Variants in KIAA0825 observed in about 807,000 individuals in gnomAD.
KIAA0825 encodes the protein uncharacterized protein KIAA0825.
Under a neutral mutation model 147.6 loss-of-function variants are expected in KIAA0825, and 119 were observed. That is an observed-to-expected ratio of 0.81 (90% CI 0.69 to 0.94). KIAA0825 has a LOEUF of 0.94. Among genes scored for constraint, KIAA0825 ranks in the 40% least tolerant of loss-of-function variants. The pLI, the probability that KIAA0825 is intolerant of heterozygous loss-of-function variation, is 0.00. For synonymous variants in KIAA0825, 470 were observed against 518.1 expected (o/e 0.91, Z 1.26); for missense variants, 1,381 against 1,472.7 (o/e 0.94, Z 1.02).
chr5:94,597,559 A>C (rs1452839988), intron 1 of KIAA0825, among the ~76,000 whole-genome samples: 1 of 152,194 alleles, frequency 6.6e-6, no homozygotes, highest in African/African-American at 2.4e-5. Flanking sequence ...AAAGGAAAGA[A>C]ACCTTTCCAA....
chr5:94,274,918 CAG>C (rs922230604), intron 20 of KIAA0825, among the ~76,000 whole-genome samples: 2 of 152,024 alleles, frequency 1.3e-5, no homozygotes, highest in Non-Finnish European at 2.9e-5. Context: ...GAACCAATAA[CAG>C]AGGGGTGGAA....
chr5:94,362,461 CAT>C (rs1263453609), intron 20 of KIAA0825, among the ~76,000 whole-genome samples: 2 of 152,164 alleles, frequency 1.3e-5, no homozygotes, highest in Non-Finnish European at 2.9e-5. Context: ...TACTTTATCT[CAT>C]GTGGTGTTAC....
At chr5:94,513,370 A>C (rs1160152258) in intron 5 of KIAA0825, among the ~76,000 whole-genome samples, 2 of 152,308 alleles carry the variant, frequency 1.3e-5, no homozygotes, top group South Asian at 4.1e-4. Flanking sequence ...CTTATTTTTA[A>C]CTTTCATCAT....
At chr5:94,204,689 G>T (rs1422979781) in intron 20 of KIAA0825, among the ~76,000 whole-genome samples, 2 of 152,028 alleles carry the variant, frequency 1.3e-5, no homozygotes, top group Non-Finnish European at 2.9e-5. Context: ...ATATACAAAA[G>T]ACAGCATCAA....
intron 2 of KIAA0825, among the ~76,000 whole-genome samples, chr5:94,558,083 C>T (rs555646498): frequency 1.4e-4 from 21 of 152,292 alleles, no homozygotes; most frequent in African/African-American, 4.6e-4. Context: ...CTAGTCACTT[C>T]GTTCCACGGT....
intron 20 of KIAA0825, among the ~76,000 whole-genome samples, chr5:94,343,406 G>A (rs1321024389): frequency 6.6e-6 from 1 of 152,130 alleles, no homozygotes; most frequent in Non-Finnish European, 1.5e-5. Flanking sequence ...AAGGTGAAAA[G>A]GAGGCCAGGT....
In KIAA0825 at chr5:94,403,688, G is replaced by A; in HGVS notation, c.2768C>T (p.Ser923Phe). The change falls in exon 16 of 21, where the codon TCT (serine) becomes TTT (phenylalanine). Residue 923 changes from serine (S) to phenylalanine (F), a missense_variant. By Grantham distance (155) the Ser-to-Phe change is radical. Coordinates refer to ENST00000682413, the MANE Select transcript of KIAA0825 (RefSeq NM_001145678.3). ...TVQQIVSVMS[S>F]RRNCETNLNK... ...TAGGTTTGTCTCACAGTTTCTCCTA[G>A]AACTCATTACAGATACTATCTGCTG... The A allele has an allele frequency of 6.4e-7, 1 of 1,551,562 alleles. No homozygotes were observed. Among genetic ancestry groups the A allele is most frequent in the South Asian group, 1.2e-5 (1 of 84,054 alleles).
chr5:94,450,154 G>T (rs1439800790), intron 13 of KIAA0825, among the ~76,000 whole-genome samples: 2 of 151,526 alleles, frequency 1.3e-5, no homozygotes, highest in Non-Finnish European at 2.9e-5. Context: ...AGACAACTAT[G>T]TAGATGAAAA....
chr5:94,175,341 A>G (rs770971336), intron 20 of KIAA0825, among the ~76,000 whole-genome samples: 1 of 152,168 alleles, frequency 6.6e-6, no homozygotes, highest in Non-Finnish European at 1.5e-5. Context: ...AACATCTGTC[A>G]TCACAGCTAA....
At chr5:94,377,236 C>G (rs1394729177) in intron 20 of KIAA0825, among the ~76,000 whole-genome samples, 1 of 152,198 alleles carries the variant, frequency 6.6e-6, no homozygotes, top group Non-Finnish European at 1.5e-5. Context: ...TCTGCTGTTC[C>G]TGCCATCATA....
At chr5:94,601,412 A>G (rs1244254817) in intron 1 of KIAA0825, among the ~76,000 whole-genome samples, 1 of 152,184 alleles carries the variant, frequency 6.6e-6, no homozygotes. Context: ...CAGCAACCTC[A>G]AAGAATAAAG....
chr5:94,514,428 C>T (rs1048256874), intron 5 of KIAA0825, among the ~76,000 whole-genome samples: 7 of 151,702 alleles, frequency 4.6e-5, no homozygotes, highest in Admixed American at 6.6e-5. Context: ...TAATTTTATA[C>T]GTAGGAAAAT....
chr5:94,348,288 C>T (rs1225464130), intron 20 of KIAA0825, among the ~76,000 whole-genome samples: 1 of 152,142 alleles, frequency 6.6e-6, no homozygotes, highest in Non-Finnish European at 1.5e-5. Flanking sequence ...ACAAGAAGCA[C>T]AAAGAACACC....
At chr5:94,274,231 C>T (rs1777116702) in intron 20 of KIAA0825, among the ~76,000 whole-genome samples, 1 of 151,998 alleles carries the variant, frequency 6.6e-6, no homozygotes. Context: ...GAGTTTTTGA[C>T]ATAAGGCTGG....
intron 20 of KIAA0825, among the ~76,000 whole-genome samples, chr5:94,261,271 C>G (rs183501920): frequency 3.3e-5 from 5 of 151,932 alleles, no homozygotes; most frequent in Admixed American, 3.3e-4. Flanking sequence ...CCATTGCACT[C>G]TAGAGCCAGG....
At chr5:94,452,712 T>A (rs940930220) in intron 13 of KIAA0825, among the ~76,000 whole-genome samples, 4 of 152,172 alleles carry the variant, frequency 2.6e-5, no homozygotes, top group African/African-American at 4.8e-5. Flanking sequence ...AAAACTAAAT[T>A]CCAAAAATTT....
chr5:94,581,503 A>G (rs1297966632), intron 2 of KIAA0825, among the ~76,000 whole-genome samples: 1 of 151,962 alleles, frequency 6.6e-6, no homozygotes, highest in Admixed American at 6.6e-5. Context: ...CAACCAAAAC[A>G]ACAAGAATTT....
intron 13 of KIAA0825, among the ~76,000 whole-genome samples, chr5:94,444,446 G>GCATC (rs1757487626): frequency 6.6e-6 from 1 of 151,990 alleles, no homozygotes; most frequent in Admixed American, 6.6e-5. Context: ...ATTCACCAGG[G>GCATC]CATCTCTCAA....
intron 1 of KIAA0825, among the ~76,000 whole-genome samples, chr5:94,591,245 C>T (rs576770179): frequency 3.9e-5 from 6 of 152,216 alleles, no homozygotes; most frequent in African/African-American, 1.4e-4. Context: ...AAAAGAATGA[C>T]CTGATATCCA....
Sources: gnomAD v4.1 joint callset for allele counts (sites outside exome capture counted in the v4.1 genomes callset) on GRCh38, gnomAD v4.1.1 for gene constraint, MANE v1.5 for transcripts, NCBI Gene and HGNC (gene_info 2026-07-23, HGNC 2026-07-21) for gene names.